LGSN: variants seen among roughly 807,000 people sequenced by gnomAD.
The protein encoded by LGSN is lengsin, lens protein with glutamine synthetase domain, also known as lengsin.
Under a neutral mutation model 19.5 loss-of-function variants are expected in LGSN, and 21 were observed. The observed-to-expected ratio is 1.07, with a 90% CI of 0.76 to 1.55. LGSN has a LOEUF of 1.55. Among genes scored for constraint, LGSN ranks in the 40% most tolerant of loss-of-function variants. The probability of loss-of-function intolerance (pLI) is 0.00; values close to 1 mark genes in which losing one functional copy is unlikely to be tolerated. For missense variants in LGSN, 673 were observed against 608.5 expected (o/e 1.11, Z -1.12); for synonymous variants, 257 against 215.6 (o/e 1.19, Z -1.68).
the LGSN span, among the ~76,000 whole-genome samples, chr6:63,477,059 A>G: frequency 8.3e-4 from 127 of 152,304 alleles, no homozygotes; most frequent in African/African-American, 2.9e-3. Context: ...TGTTTCTAAC[A>G]TTTGCTCTAC....
the LGSN span, among the ~76,000 whole-genome samples, chr6:63,504,773 A>G: frequency 6.6e-6 from 1 of 152,194 alleles, no homozygotes; most frequent in Admixed American, 6.5e-5. Context: ...CATTCTGAAA[A>G]CCCAAGAAGC....
At chr6:63,412,689 GAGAAAGAA>G in the LGSN span, among the ~76,000 whole-genome samples, 1,049 of 102,480 alleles carry the variant, frequency 0.01, 38 homozygotes, top group African/African-American at 0.047. Flanking sequence ...AAGAAAGAAA[GAGAAAGAA>G]AGAAAGAAAG....
chr6:63,489,512 G>A, the LGSN span, among the ~76,000 whole-genome samples: 4 of 151,868 alleles, frequency 2.6e-5, no homozygotes, highest in Admixed American at 2.0e-4. Flanking sequence ...GAGATTACAG[G>A]TGTGCACCAC....
At chr6:63,366,350 G>A in the LGSN span, among the ~76,000 whole-genome samples, 1 of 152,166 alleles carries the variant, frequency 6.6e-6, no homozygotes, top group South Asian at 2.1e-4. Flanking sequence ...TTGCTTCAAA[G>A]AGAATAAAAT....
the LGSN span, among the ~76,000 whole-genome samples, chr6:63,348,357 G>A: frequency 8.5e-5 from 13 of 152,082 alleles, no homozygotes; most frequent in African/African-American, 2.9e-4. Flanking sequence ...GGGAGGCTGA[G>A]GAAGGAGAAT....
chr6:63,440,322 G>C, the LGSN span, among the ~76,000 whole-genome samples: 5 of 152,210 alleles, frequency 3.3e-5, no homozygotes, highest in Non-Finnish European at 7.3e-5. Context: ...AGGTGGAGGA[G>C]CCTGGCCTCC....
rs183292864 is a variant in LGSN, at chr6:63,306,771, G to C, written c.31-11726C>G. 2.2e-3 allele frequency among the ~76,000 whole-genome samples: 339 copies of C among 152,300 alleles called. 1 individual carries two copies. Among genetic ancestry groups the C allele is most frequent in the Non-Finnish European group, 4.1e-3 (278 of 68,028 alleles). On this transcript the variant is annotated intron_variant, in intron 1 of 3. Coordinates refer to ENST00000370657, the MANE Select transcript of LGSN (RefSeq NM_016571.3). Reference sequence around the variant, plus strand: ...GTAGTTGATAGCCCTTCCCAGGAAGGAGCCAACACAGGAGTCCAGACAATT... The same window carrying C: ...GTAGTTGATAGCCCTTCCCAGGAAGCAGCCAACACAGGAGTCCAGACAATT...
chr6:63,461,185 C>T, the LGSN span, among the ~76,000 whole-genome samples: 2 of 152,020 alleles, frequency 1.3e-5, no homozygotes, highest in Non-Finnish European at 2.9e-5. Context: ...CGAGTAGCTG[C>T]GATTACAAGC....
chr6:63,430,127 T>C, the LGSN span, among the ~76,000 whole-genome samples: 1 of 152,142 alleles, frequency 6.6e-6, no homozygotes, highest in African/African-American at 2.4e-5. Flanking sequence ...TTGGAGGGTG[T>C]GTGTTGAGTG....
intron 2 of LGSN, among the ~76,000 whole-genome samples, chr6:63,288,238 T>A (rs896041043): frequency 2.3e-5 from 3 of 129,324 alleles, no homozygotes; most frequent in African/African-American, 7.8e-5. Context: ...AAAAAATAAA[T>A]AAATAAATAA....
At chr6:63,369,987 G>A in the LGSN span, among the ~76,000 whole-genome samples, 1 of 151,774 alleles carries the variant, frequency 6.6e-6, no homozygotes, top group East Asian at 1.9e-4. Flanking sequence ...GGGTGACAGA[G>A]TGAGACTGTG....
At chr6:63,304,304 A>G (rs1223019998) in intron 1 of LGSN, among the ~76,000 whole-genome samples, 6 of 152,270 alleles carry the variant, frequency 3.9e-5, no homozygotes, top group African/African-American at 9.6e-5. Flanking sequence ...CCCTTTTTCT[A>G]TGGCTTGGAG....
chr6:63,407,855 A>G, the LGSN span, among the ~76,000 whole-genome samples: 1 of 152,242 alleles, frequency 6.6e-6, no homozygotes, highest in African/African-American at 2.4e-5. Context: ...ATCAATGTAC[A>G]AAAATCACAA....
At chr6:63,324,876 G>T (rs1288991581), upstream of LGSN, among the ~76,000 whole-genome samples, 1 of 151,520 alleles carries the variant, frequency 6.6e-6, no homozygotes, top group Non-Finnish European at 1.5e-5. Context: ...GGGAGGCCGA[G>T]GCGGTCACAT....
chr6:63,415,495 G>A, the LGSN span, among the ~76,000 whole-genome samples: 17 of 152,304 alleles, frequency 1.1e-4, no homozygotes, highest in South Asian at 2.9e-3. Context: ...GAGAAGTGCC[G>A]AGGGAAGGGG....
rs760303708 is a variant in LGSN, at chr6:63,319,981, A to G, written c.-38T>C. ...TAAGTTCAGCGTTAGAAACCACAATATCCTCAACAAATGCATTCAACATGT... is the reference window on the plus strand; with the variant it reads ...TAAGTTCAGCGTTAGAAACCACAATGTCCTCAACAAATGCATTCAACATGT... On this transcript the variant is annotated 5_prime_UTR_variant, in exon 1 of 4. Coordinates refer to ENST00000370657, the MANE Select transcript of LGSN (RefSeq NM_016571.3). 6.6e-7 allele frequency: 1 copy of G among 1,517,330 alleles called. No homozygotes were observed. Among genetic ancestry groups the G allele is most frequent in the South Asian group, 1.1e-5 (1 of 89,004 alleles). The allele number at this position is 1,517,330 out of a possible 1,614,324, so 94.0% of individuals were successfully genotyped here.
chr6:63,348,510 G>A, the LGSN span, among the ~76,000 whole-genome samples: 122 of 151,952 alleles, frequency 8.0e-4, no homozygotes, highest in African/African-American at 2.5e-3. Context: ...GCAGGTCTAC[G>A]AGCTCTTGGT....
rs112740986 is a variant in LGSN at position 63,279,940 on chromosome 6, A to G, written c.*81T>C. On this transcript the variant is annotated 3_prime_UTR_variant, in exon 4 of 4. Transcript: ENST00000370657. ...CTTGTTATTGTTGCTGTTGTTAATTACAAAAGTTCAGTCTTTTTGTTTTGG... is the reference window on the plus strand; with the variant it reads ...CTTGTTATTGTTGCTGTTGTTAATTGCAAAAGTTCAGTCTTTTTGTTTTGG... 7.6e-7 allele frequency: 1 copy of G among 1,318,586 alleles called. No homozygotes were observed. Among genetic ancestry groups the G allele is most frequent in the Non-Finnish European group, 1.0e-6 (1 of 960,198 alleles). 81.7% of individuals were successfully genotyped at this position (1,318,586 alleles called of 1,614,324 possible).
At chr6:63,390,660 T>G in the LGSN span, among the ~76,000 whole-genome samples, 2 of 150,494 alleles carry the variant, frequency 1.3e-5, no homozygotes, top group Admixed American at 6.6e-5. Context: ...ATCGAGACCA[T>G]CCTGGCTAAC....
Sources: gnomAD v4.1 joint callset for allele counts (sites outside exome capture counted in the v4.1 genomes callset) on GRCh38, gnomAD v4.1.1 for gene constraint, MANE v1.5 for transcripts, NCBI Gene and HGNC (gene_info 2026-07-23, HGNC 2026-07-21) for gene names.